GLI3: variants seen among roughly 807,000 people sequenced by gnomAD.
The protein encoded by GLI3 is transcription activator GLI3.
GLI3 carries 20 observed loss-of-function variants against 100.8 expected under a neutral mutation model. The observed-to-expected ratio is 0.20, with a 90% CI of 0.14 to 0.29. The LOEUF (loss-of-function observed/expected upper bound fraction) is 0.29, where lower values mean the gene tolerates loss of function less well. Ranked by LOEUF, GLI3 falls within the 10% of genes least tolerant of loss-of-function variation. The pLI is 1.00. For synonymous variants in GLI3, 938 were observed against 860.5 expected (o/e 1.09, Z -1.58); for missense variants, 2,040 against 2,128.5 (o/e 0.96, Z 0.82).
intron 3 of GLI3, among the ~76,000 whole-genome samples, chr7:42,135,732 T>C (rs1786412330): frequency 1.3e-5 from 2 of 152,256 alleles, no homozygotes; most frequent in African/African-American, 2.4e-5. Flanking sequence ...TCATAAATCA[T>C]TCCTCCAACC....
At chr7:42,261,723 T>A (rs540757259) in intron 1 of GLI3, among the ~76,000 whole-genome samples, 4 of 152,350 alleles carry the variant, frequency 2.6e-5, no homozygotes, top group South Asian at 2.1e-4. Flanking sequence ...GATGAGGCAG[T>A]GCCTGATTAT....
chr7:42,198,369 T>C (rs904490062), intron 2 of GLI3, among the ~76,000 whole-genome samples: 2 of 152,242 alleles, frequency 1.3e-5, no homozygotes, highest in African/African-American at 4.8e-5. Flanking sequence ...TGTCTGAGGC[T>C]GGAGAGTGAG....
At chr7:42,195,608 C>G (rs1583638713) in intron 2 of GLI3, among the ~76,000 whole-genome samples, 2 of 152,198 alleles carry the variant, frequency 1.3e-5, no homozygotes, top group African/African-American at 4.8e-5. Context: ...ACTAGGTCCT[C>G]TCATATCCCT....
At chr7:42,079,898 T>C (rs1376910418) in intron 3 of GLI3, among the ~76,000 whole-genome samples, 1 of 152,228 alleles carries the variant, frequency 6.6e-6, no homozygotes, top group Non-Finnish European at 1.5e-5. Flanking sequence ...ATATGCCTCA[T>C]ATATCCCCGA....
chr7:41,977,074 G>A (rs1174524454), intron 12 of GLI3, among the ~76,000 whole-genome samples: 1 of 152,176 alleles, frequency 6.6e-6, no homozygotes, highest in African/African-American at 2.4e-5. Flanking sequence ...AAGGCTGGTT[G>A]CTCTGTAAAA....
At chr7:42,056,891 A>T (rs4720413) in intron 4 of GLI3, among the ~76,000 whole-genome samples, 77,125 of 151,400 alleles carry the variant, frequency 0.51, 20,291 homozygotes, top group African/African-American at 0.61. Context: ...CTGAGGCTGC[A>T]GAATCGCTTG....
chr7:42,028,901 G>A (rs1789203125), intron 7 of GLI3, among the ~76,000 whole-genome samples: 3 of 152,096 alleles, frequency 2.0e-5, no homozygotes, highest in African/African-American at 7.2e-5. Context: ...CCTTGTCCTC[G>A]GGGAGCAGGG....
intron 3 of GLI3, among the ~76,000 whole-genome samples, chr7:42,135,493 C>T (rs1398464158): frequency 6.6e-6 from 1 of 152,182 alleles, no homozygotes; most frequent in East Asian, 1.9e-4. Flanking sequence ...GCAGATATCT[C>T]ATATTTGTCT....
At position 42,223,177 on chromosome 7, in the gene GLI3, C is replaced by T. The variant is rs751057099; in HGVS notation, c.77G>A (p.Arg26Gln). The change falls in exon 2 of 15, where the codon CGA becomes CAA. Residue 26 changes from arginine (R) to glutamine (Q), a missense_variant. Physicochemically the swap from Arg to Gln is conservative, Grantham distance 43 (BLOSUM62 1). This residue lies in a region of GLI3 where 603 missense variants were observed against 690.9 expected (regional missense o/e 0.87). Coordinates refer to ENST00000395925, the MANE Select transcript of GLI3 (RefSeq NM_000168.6). ...AACGGCTTTCTCGCTCACATCTGTT[C>T]GAGTGGAGCACTTCACTATGGAATT... is the stretch of plus-strand genomic sequence containing the variant. ...VENSIVKCST[R>Q]TDVSEKAVAS... 1.9e-6 allele frequency: 3 copies of T among 1,613,904 alleles called. No homozygotes were observed. The highest frequency in any genetic ancestry group is 2.2e-5 in the East Asian group (1 of 44,872).
At chr7:42,224,883 G>T (rs1788554707) in intron 1 of GLI3, among the ~76,000 whole-genome samples, 1 of 152,220 alleles carries the variant, frequency 6.6e-6, no homozygotes, top group East Asian at 1.9e-4. Context: ...CGGGCAGTGA[G>T]ATCTGACCTT....
At chr7:42,164,882 T>G (rs1468987805) in intron 2 of GLI3, among the ~76,000 whole-genome samples, 11 of 133,168 alleles carry the variant, frequency 8.3e-5, no homozygotes, top group Admixed American at 2.9e-4. Flanking sequence ...GGGGTTTTGG[T>G]TTTTTTTTTT....
At chr7:42,041,933 C>T (rs1056309459) in intron 6 of GLI3, among the ~76,000 whole-genome samples, 6 of 151,780 alleles carry the variant, frequency 4.0e-5, no homozygotes, top group African/African-American at 1.2e-4. Flanking sequence ...ACAACTAAAA[C>T]GAGTTCCTTC....
intron 7 of GLI3, among the ~76,000 whole-genome samples, chr7:42,028,995 G>A (rs960544559): frequency 2.0e-5 from 3 of 152,104 alleles, no homozygotes; most frequent in East Asian, 1.9e-4. Context: ...ACCAGGTGAC[G>A]GGAATAAATG....
At chr7:42,008,295 A>G (rs1788514564) in intron 10 of GLI3, among the ~76,000 whole-genome samples, 1 of 152,192 alleles carries the variant, frequency 6.6e-6, no homozygotes. Context: ...TATGGTTTCC[A>G]TGCATTGGAC....
At chr7:42,121,422 C>G (rs1261734566) in intron 3 of GLI3, among the ~76,000 whole-genome samples, 4 of 152,196 alleles carry the variant, frequency 2.6e-5, no homozygotes, top group Non-Finnish European at 5.9e-5. Context: ...AAGTTTGGTG[C>G]AGTGAAGGTA....
At chr7:42,155,283 A>T (rs376217356) in intron 2 of GLI3, among the ~76,000 whole-genome samples, 279 of 152,080 alleles carry the variant, frequency 1.8e-3, no homozygotes, top group African/African-American at 6.5e-3. Flanking sequence ...CTACTAAAAA[A>T]ACAAAATCAG....
At chr7:42,248,797 TA>T (rs142101778) in intron 1 of GLI3, among the ~76,000 whole-genome samples, 4,574 of 152,276 alleles carry the variant, frequency 0.03, 90 homozygotes, top group Non-Finnish European at 0.046. Flanking sequence ...TTTATTCATT[TA>T]TTTTTTTTGA....
intron 10 of GLI3, among the ~76,000 whole-genome samples, chr7:42,018,145 GA>G (rs1788823500): frequency 6.6e-6 from 1 of 152,146 alleles, no homozygotes; most frequent in Non-Finnish European, 1.5e-5. Context: ...CTCTTTATGG[GA>G]ACAATTTCTG....
At chr7:42,262,475 G>T (rs181905797) in intron 1 of GLI3, among the ~76,000 whole-genome samples, 59 of 152,152 alleles carry the variant, frequency 3.9e-4, no homozygotes, top group African/African-American at 1.4e-3. Flanking sequence ...GCCCAGGCTT[G>T]TCTCAAACTC....
Sources: allele counts gnomAD v4.1 joint callset (sites outside exome capture counted in the v4.1 genomes callset), GRCh38; gene constraint gnomAD v4.1.1; regional missense constraint gnomAD v4.1.1; transcripts MANE v1.5; gene names NCBI Gene and HGNC (gene_info 2026-07-23, HGNC 2026-07-21).